The following CIT variants were observed in gnomAD, a reference collection of about 807,000 sequenced individuals.
CIT encodes the protein citron rho-interacting serine/threonine kinase.
CIT carries 79 observed loss-of-function variants against 272.7 expected under a neutral mutation model. The observed-to-expected ratio is 0.29, with a 90% confidence interval of 0.24 to 0.35. CIT has a LOEUF of 0.35. CIT is among the 10% of genes least tolerant of loss of function. The pLI, the probability that CIT is intolerant of heterozygous loss-of-function variation, is 1.00. For missense variants in CIT, 1,909 were observed against 2,618.3 expected, an observed-to-expected ratio of 0.73 and a Z score of 5.91; for synonymous variants, 948 against 995.6, an observed-to-expected ratio of 0.95 and a Z score of 0.90.
In CIT at chr12:119,717,422, T is replaced by C. The variant is rs1473981385; in HGVS notation, c.4168+823A>G. Among the ~76,000 whole-genome samples the C allele has an allele frequency of 5.3e-4, 30 of 56,366 alleles. No individual in the cohort carries two copies. The South Asian group carries it at 0.019, about 35-fold the overall frequency. The allele number at this position is 56,366 out of a possible 152,430, so 37.0% of individuals were successfully genotyped here. A position where few individuals can be genotyped will look rare whatever the true frequency, so the allele number is the denominator to read the frequency against. On this transcript the variant is annotated intron_variant, in intron 32 of 47. Transcript: ENST00000392521. The stretch of plus-strand genomic sequence containing the variant: ...ATATTCTTTTTTCTTTTCTTTTCTT[T>C]TTTTTTTTTTTTTTTTGAGATGGAA...
rs757765208 is a variant in CIT, at chr12:119,850,285, A to G, written c.415-10T>C. The G allele has an allele frequency of 1.3e-6, 2 of 1,565,328 alleles. No homozygotes were observed. The highest frequency in any genetic ancestry group is 3.4e-5 in the Admixed American group (2 of 59,594). ...CCTCAAAAAATGAAACCTAGGGAAA[A>G]AAGAAACTGCTTAGACAATTATAAA... On this transcript the variant is annotated splice_polypyrimidine_tract_variant and intron_variant, in intron 4 of 47. Transcript: ENST00000392521.
intron 32 of CIT, among the ~76,000 whole-genome samples, chr12:119,717,838 C>CCTTTTTTTTTTTTTTTTTTTTTTTTTTTT (rs1957598855): frequency 1.2e-5 from 1 of 81,332 alleles, no homozygotes; most frequent in Non-Finnish European, 2.3e-5. Flanking sequence ...TGACTTCTTT[C>CCTTTTTTTTTTTTTTTTTTTTTTTTTTTT]TTTTTTTTTT....
At chr12:119,782,413 T>C in intron 13 of CIT, 105 bp downstream of exon 13, 1 of 1,351,842 alleles carries the variant, frequency 7.4e-7, no homozygotes, top group South Asian at 1.3e-5. Flanking sequence ...CCCCACCCTT[T>C]CTCTCTCTCC....
chr12:119,819,591 G>A (rs1400680549), intron 9 of CIT, among the ~76,000 whole-genome samples: 1 of 152,150 alleles, frequency 6.6e-6, no homozygotes, highest in Non-Finnish European at 1.5e-5. Context: ...AAGAATTGGG[G>A]GTGAAACCGC....
intron 2 of CIT, among the ~76,000 whole-genome samples, chr12:119,870,124 C>T (rs1950624502): frequency 6.6e-6 from 1 of 152,222 alleles, no homozygotes; most frequent in African/African-American, 2.4e-5. Context: ...TCTGTAGGCA[C>T]ATGCTACTCC....
At chr12:119,714,162 G>C (rs766546635) in intron 33 of CIT, 35 bp downstream of exon 33, 31 of 1,608,304 alleles carry the variant, frequency 1.9e-5, no homozygotes, top group Admixed American at 1.0e-4. Context: ...GAGATGCACA[G>C]GTGCCCAGCA....
chr12:119,776,509 TA>T, intron 14 of CIT, 101 bp from the exon 15 acceptor site: 1 of 1,174,968 alleles, frequency 8.5e-7, no homozygotes, highest in Non-Finnish European at 1.2e-6. Context: ...TAATAGTAAA[TA>T]AGAATAATGT....
At chr12:119,717,402 C>CT (rs1957550893) in intron 32 of CIT, among the ~76,000 whole-genome samples, 1 of 124,820 alleles carries the variant, frequency 8.0e-6, no homozygotes, top group African/African-American at 3.4e-5. Context: ...TTTTCATATT[C>CT]TTTTTTCTTT....
At chr12:119,724,296 AG>A (rs1957968683) in intron 28 of CIT, among the ~76,000 whole-genome samples, 1 of 152,222 alleles carries the variant, frequency 6.6e-6, no homozygotes, top group Non-Finnish European at 1.5e-5. Context: ...ATTAAACATT[AG>A]TTATTTTAAT....
chr12:119,782,076 CTT>C (rs1203864845), intron 13 of CIT: 2 of 152,824 alleles, frequency 1.3e-5, no homozygotes, highest in Non-Finnish European at 2.9e-5. Flanking sequence ...AAAAAAAACA[CTT>C]TATTTATGGA....
At chr12:119,750,748 T>C (rs1384030335) in intron 23 of CIT, among the ~76,000 whole-genome samples, 1 of 147,870 alleles carries the variant, frequency 6.8e-6, no homozygotes, top group Non-Finnish European at 1.5e-5. Flanking sequence ...TATATATAGA[T>C]ATAGATAGAT....
chr12:119,699,256 C>CAA (rs1181095399), intron 44 of CIT, among the ~76,000 whole-genome samples: 63 of 51,356 alleles, frequency 1.2e-3, no homozygotes, highest in African/African-American at 2.4e-3. Context: ...AAATCCGACT[C>CAA]AAAAAAAAAA....
At chr12:119,794,186 C>T (rs1321351522) in intron 10 of CIT, among the ~76,000 whole-genome samples, 1 of 152,134 alleles carries the variant, frequency 6.6e-6, no homozygotes, top group Non-Finnish European at 1.5e-5. Flanking sequence ...TTTCTCCCCA[C>T]CAAATGCTAG....
intron 3 of CIT, among the ~76,000 whole-genome samples, chr12:119,860,716 C>T (rs1950311080): frequency 6.6e-6 from 1 of 151,816 alleles, no homozygotes; most frequent in Non-Finnish European, 1.5e-5. Flanking sequence ...TGACAATACT[C>T]TCTTGGAATT....
At chr12:119,739,299 A>C (rs540582391) in intron 24 of CIT, among the ~76,000 whole-genome samples, 1 of 152,318 alleles carries the variant, frequency 6.6e-6, no homozygotes, top group African/African-American at 2.4e-5. Flanking sequence ...ATCCTTTTTA[A>C]ATGTCTTCAA....
intron 23 of CIT, among the ~76,000 whole-genome samples, chr12:119,745,388 A>AAAAAAAAAAAC (rs1565978073): frequency 7.0e-6 from 1 of 142,166 alleles, no homozygotes. Context: ...AAAAAAAAAA[A>AAAAAAAAAAAC]AAAAAAAAAA....
chr12:119,731,595 TC>T (rs1188398547), intron 26 of CIT, among the ~76,000 whole-genome samples: 2 of 151,598 alleles, frequency 1.3e-5, no homozygotes, highest in Non-Finnish European at 2.9e-5. Flanking sequence ...CACTTCCCTT[TC>T]CCCATTTAGG....
rs1363978898 is a variant in CIT, at chr12:119,718,689, G to A, written c.4003+10C>T. ...CATCCTTGAGCATTTTGGAGAGAGTGAGCCCCTACCTTCCTCCCGGGCGGA... is the reference window on the plus strand; with the variant it reads ...CATCCTTGAGCATTTTGGAGAGAGTAAGCCCCTACCTTCCTCCCGGGCGGA... On this transcript the variant is annotated intron_variant, in intron 31 of 47. Coordinates refer to ENST00000392521, the MANE Select transcript of CIT (RefSeq NM_001206999.2). The surrounding 1 kb of genome is among the most constrained non-coding windows in gnomAD (Gnocchi z 4.8). 6.2e-7 allele frequency: 1 copy of A among 1,612,610 alleles called. No homozygotes were observed. Among genetic ancestry groups the A allele is most frequent in the South Asian group, 1.1e-5 (1 of 91,008 alleles).
chr12:119,746,469 G>A (rs1451469623), intron 23 of CIT, among the ~76,000 whole-genome samples: 2 of 152,180 alleles, frequency 1.3e-5, no homozygotes, highest in Non-Finnish European at 2.9e-5. Context: ...CTCAAAAACA[G>A]AAACAGGAAG....
Sources: allele counts gnomAD v4.1 joint callset (sites outside exome capture counted in the v4.1 genomes callset), GRCh38; gene constraint gnomAD v4.1.1; non-coding constraint Gnocchi (gnomAD v3.1); transcripts MANE v1.5; gene names NCBI Gene and HGNC (gene_info 2026-07-23, HGNC 2026-07-21).